The following NOP14 variants were observed in gnomAD, a reference collection of about 807,000 sequenced individuals.
The protein encoded by NOP14 is nucleolar protein 14.
NOP14 carries 57 observed loss-of-function variants against 101.6 expected under a neutral mutation model. The observed-to-expected ratio is 0.56, with a 90% CI of 0.45 to 0.70. NOP14 has a LOEUF of 0.70. Among genes scored for constraint, NOP14 ranks in the 30% least tolerant of loss-of-function variants. The pLI is 0.00. For missense variants in NOP14, 1,134 were observed against 1,075.5 expected (o/e 1.05, Z -0.76); for synonymous variants, 428 against 424.0 (o/e 1.01, Z -0.12).
Position 2,944,220 on chromosome 4 carries a change from T to TGGGGCACTGGAAAGGAACATATGGG in NOP14, c.1738-19_1743dup (p.Ile582ProfsTer38), listed in dbSNP as rs1553861620. 1 of 1,611,718 alleles carries TGGGGCACTGGAAAGGAACATATGGG rather than the reference T, an allele frequency of 6.2e-7. No homozygotes were observed. The highest frequency in any genetic ancestry group is 8.5e-7 in the Non-Finnish European group (1 of 1,179,344). ...TTCACCACGTCCTGGAGGGACAGGA[T>TGGGGCACTGGAAAGGAACATATGGG]GGGGCACTGGAAAGGAACATATGGG... On this transcript the variant is annotated frameshift_variant, in exon 13 of 18. Transcript: ENST00000416614. LOFTEE classifies it high-confidence loss of function.
chr4:2,955,510 AGCGCCCCCTCTAGTCACCTGCACGCCACG>A (rs1560306543), intron 3 of NOP14, among the ~76,000 whole-genome samples: 32 of 119,534 alleles, frequency 2.7e-4, no homozygotes, highest in East Asian at 1.8e-3. Flanking sequence ...CCTGCACCAC[AGCGCCCCCTCTAGTCACCTGCACGCCACG>A]GCGCCCCCTC....
intron 3 of NOP14, among the ~76,000 whole-genome samples, chr4:2,956,091 C>A (rs1715329280): frequency 6.6e-6 from 1 of 152,118 alleles, no homozygotes; most frequent in African/African-American, 2.4e-5. Context: ...CAGTCAGACC[C>A]GAACTGAATC....
intron 4 of NOP14, among the ~76,000 whole-genome samples, chr4:2,953,931 G>T (rs1456304217): frequency 2.0e-5 from 3 of 152,186 alleles, no homozygotes; most frequent in African/African-American, 7.2e-5. Flanking sequence ...ACTAAAACCA[G>T]CAACAACAAA....
intron 1 of NOP14, among the ~76,000 whole-genome samples, chr4:2,961,192 CTAA>C (rs1256608213): frequency 1.4e-3 from 5 of 3,480 alleles, no homozygotes; most frequent in South Asian, 0.037. Context: ...TATTAATATG[CTAA>C]TATTATAATA....
rs367762271 is a variant in NOP14 at position 2,939,626 on chromosome 4, A to G, written c.2219T>C (p.Leu740Pro). Residue 740 changes from leucine to proline, a missense_variant, in exon 16 of 18, where the codon CTG becomes CCG. By Grantham distance (98) the Leu-to-Pro change is moderately conservative. Transcript: ENST00000416614. ...CTGCTTCTGGCTTTCCATTTCGGTC[A>G]GTGTGCTCTGACACAGCTCCTGAAA... The part of the protein sequence containing the change: ...QELQELCQST[L>P]TEMESQKQLC... 2 of 1,613,760 alleles carry G rather than the reference A, an allele frequency of 1.2e-6. No individual in the cohort carries two copies. Among genetic ancestry groups the G allele is most frequent in the Non-Finnish European group, 1.7e-6 (2 of 1,179,976 alleles).
rs769091309 is a variant in NOP14, at chr4:2,939,541, G to A, written c.2304C>T (p.Pro768=). The stretch of plus-strand genomic sequence containing the variant: ...CCAGCACCCACACTTTGACCAGCCG[G>A]GGTGTGAAAAGCTTCAGTGGGACAG... The part of the protein sequence containing the change: ...SKPVPLKLFT[P]RLVKVLEFGR... The change falls in exon 16 of 18, where the codon CCC becomes CCT. Residue 768 remains proline, a synonymous_variant. Coordinates refer to ENST00000416614, the MANE Select transcript of NOP14 (RefSeq NM_001291978.2). 10 of 1,613,726 alleles carry A rather than the reference G, an allele frequency of 6.2e-6. No individual in the cohort carries two copies. The highest frequency in any genetic ancestry group is 6.8e-6 in the Non-Finnish European group (8 of 1,179,846).
In NOP14 at chr4:2,963,051, G is replaced by T. The variant is rs996327196; in HGVS notation, c.195+74C>A. On this transcript the variant is annotated intron_variant, in intron 1 of 17. Transcript: ENST00000416614. The stretch of plus-strand genomic sequence containing the variant: ...CTCAACGAGGAAACCGACGCACCGA[G>T]AAGGACGCAGCCGGCCGAGAGCAGC... 5.6e-6 allele frequency: 8 copies of T among 1,418,664 alleles called. No homozygotes were observed. The South Asian group carries it at 1.0e-4, about 18-fold the overall frequency. The allele number at this position is 1,418,664 out of a possible 1,614,324, so 87.9% of individuals were successfully genotyped here.
chr4:2,938,514 A>C lies in NOP14; in HGVS notation c.*317T>G, dbSNP rs1713850048. The C allele has an allele frequency of 5.5e-6, 2 of 364,720 alleles. No individual in the cohort carries two copies. Among genetic ancestry groups the C allele is most frequent in the Non-Finnish European group, 1.0e-5 (2 of 192,708 alleles). The allele number at this position is 364,720 out of a possible 1,614,324, so 22.6% of individuals were successfully genotyped here. ...AGCAAAACTCCGTCTCAAAAAAAAAAATTTTTTTTTAAGCGACACAGTCTT... is the reference window on the plus strand; with the variant it reads ...AGCAAAACTCCGTCTCAAAAAAAAACATTTTTTTTTAAGCGACACAGTCTT... On this transcript the variant is annotated 3_prime_UTR_variant, in exon 18 of 18. Transcript: ENST00000416614.
chr4:2,943,670 G>A (rs751296311), intron 13 of NOP14, among the ~76,000 whole-genome samples: 1 of 152,228 alleles, frequency 6.6e-6, no homozygotes, highest in Non-Finnish European at 1.5e-5. Flanking sequence ...TTGTCGTCAC[G>A]TGAGAAAAAG....
chr4:2,950,870 T>C (rs553001075), intron 7 of NOP14: 2 of 403,436 alleles, frequency 5.0e-6, no homozygotes, highest in Non-Finnish European at 8.9e-6. Flanking sequence ...CTGTGTTCCT[T>C]TGAGACAGAG....
chr4:2,940,079 G>A (rs1428807184), intron 15 of NOP14, among the ~76,000 whole-genome samples: 5 of 152,274 alleles, frequency 3.3e-5, no homozygotes, highest in Non-Finnish European at 7.3e-5. Flanking sequence ...GGGGGGCCGT[G>A]TGCATGCTAG....
In NOP14 at chr4:2,941,689, A is replaced by G. The variant is rs1431532033; in HGVS notation, c.2092T>C (p.Cys698Arg). Residue 698 changes from cysteine to arginine, a missense_variant, in exon 15 of 18, where the codon TGC becomes CGC. Coordinates refer to ENST00000416614, the MANE Select transcript of NOP14 (RefSeq NM_001291978.2). ...GGCAGGGACCCGTACATGAGCACGC[A>G]GCGCTTCAGCAGGGCCAGGCCCACA... ...LAVGLALLKR[C>R]VLMYGSLPSF... 5.0e-6 allele frequency: 8 copies of G among 1,613,052 alleles called. No homozygotes were observed. The highest frequency in any genetic ancestry group is 2.7e-5 in the African/African-American group (2 of 74,946).
intron 10 of NOP14, 111 bp from the exon 11 acceptor site, chr4:2,946,658 C>T (rs1714667624): frequency 1.1e-6 from 1 of 895,736 alleles, no homozygotes; most frequent in South Asian, 1.6e-5. Context: ...CAAGTAAGAA[C>T]TGGATGAATC....
rs1219975021 is a variant in NOP14, at chr4:2,960,822, T to A, written c.195+2303A>T. Among the ~76,000 whole-genome samples, 9 of 64,840 alleles carry A rather than the reference T, an allele frequency of 1.4e-4. 1 individual carries two copies. Among genetic ancestry groups the A allele is most frequent in the African/African-American group, 6.8e-4 (8 of 11,808 alleles). 42.5% of individuals were successfully genotyped at this position (64,840 alleles called of 152,430 possible). On this transcript the variant is annotated intron_variant, in intron 1 of 17. Coordinates refer to ENST00000416614, the MANE Select transcript of NOP14 (RefSeq NM_001291978.2). Reference sequence around the variant, plus strand: ...TTAATATATTAATATTATAATCACATTATCAATATATTAATATTATAATCA... The same window carrying A: ...TTAATATATTAATATTATAATCACAATATCAATATATTAATATTATAATCA...
chr4:2,958,080 G>T (rs1417560229), intron 1 of NOP14, among the ~76,000 whole-genome samples: 1 of 152,164 alleles, frequency 6.6e-6, no homozygotes, highest in Non-Finnish European at 1.5e-5. Context: ...TGCACATTTG[G>T]AAAAGTGGAA....
chr4:2,953,453 G>A, intron 5 of NOP14, 58 bp downstream of exon 5: 1 of 1,593,592 alleles, frequency 6.3e-7, no homozygotes, highest in African/African-American at 1.3e-5. Context: ...TTTCTCTGGA[G>A]AAAGTCGGTC....
chr4:2,960,596 G>A (rs756016550), intron 1 of NOP14, among the ~76,000 whole-genome samples: 7 of 149,898 alleles, frequency 4.7e-5, no homozygotes, highest in African/African-American at 7.3e-5. Flanking sequence ...AATGTAAACC[G>A]TGTGGCACAA....
intron 1 of NOP14, among the ~76,000 whole-genome samples, chr4:2,959,000 G>T (rs944381059): frequency 4.6e-5 from 7 of 152,210 alleles, no homozygotes; most frequent in Middle Eastern, 3.4e-3. Flanking sequence ...ATCTGGAGAG[G>T]TCAACCGAAA....
Position 2,943,816 on chromosome 4 carries a change from T to C in NOP14, c.1891+257A>G, listed in dbSNP as rs946498349. Among the ~76,000 whole-genome samples the C allele has an allele frequency of 5.9e-5, 9 of 152,282 alleles. No individual in the cohort carries two copies. In the East Asian group the frequency reaches 9.6e-4, roughly 16 times the overall value. On this transcript the variant is annotated intron_variant, in intron 13 of 17. Transcript: ENST00000416614. ...ACTAAGTCTTCGCCACTTGGGCATA[T>C]GTCACAGGTAGGGTACGTCTCAGTT... is the stretch of plus-strand genomic sequence containing the variant.
Sources: allele counts gnomAD v4.1 joint callset (sites outside exome capture counted in the v4.1 genomes callset), GRCh38; gene constraint gnomAD v4.1.1; transcripts MANE v1.5; gene names NCBI Gene and HGNC (gene_info 2026-07-23, HGNC 2026-07-21).